The following ARHGAP44 variants were observed in gnomAD, a reference collection of about 807,000 sequenced individuals.
ARHGAP44 encodes the protein rho GTPase-activating protein 44.
ARHGAP44 carries 43 observed loss-of-function variants against 106.8 expected under a neutral mutation model. That is an observed-to-expected ratio of 0.40 (90% CI 0.32 to 0.52). The LOEUF (loss-of-function observed/expected upper bound fraction) is 0.52. Among genes scored for constraint, ARHGAP44 ranks in the 20% least tolerant of loss-of-function variants. The probability of loss-of-function intolerance (pLI) is 0.48; values close to 1 mark genes in which losing one functional copy is unlikely to be tolerated. For missense variants in ARHGAP44, 866 were observed against 1,050.5 expected (o/e 0.82, Z 2.43); for synonymous variants, 439 against 410.3 (o/e 1.07, Z -0.85).
chr17:12,925,917 C>T (rs1274239655), intron 6 of ARHGAP44, among the ~76,000 whole-genome samples: 1 of 152,150 alleles, frequency 6.6e-6, no homozygotes, highest in Non-Finnish European at 1.5e-5. Context: ...ATTTTCCCAA[C>T]ATGACTATCT....
intron 1 of ARHGAP44, among the ~76,000 whole-genome samples, chr17:12,813,861 C>G (rs1165635317): frequency 6.6e-6 from 1 of 152,178 alleles, no homozygotes; most frequent in African/African-American, 2.4e-5. Flanking sequence ...TTTCTCCTGG[C>G]TCACGGTGAG....
chr17:12,864,752 TAAGA>T (rs1165561069), intron 1 of ARHGAP44, among the ~76,000 whole-genome samples: 1 of 152,060 alleles, frequency 6.6e-6, no homozygotes, highest in African/African-American at 2.4e-5. Flanking sequence ...CAAAATGGAA[TAAGA>T]AAGATAATTA....
intron 20 of ARHGAP44, among the ~76,000 whole-genome samples, chr17:12,989,101 CAAAAAAAAAAAA>C (rs71144942): frequency 4.4e-5 from 2 of 45,158 alleles, no homozygotes; most frequent in Non-Finnish European, 7.9e-5. Context: ...CCACCCCCCC[CAAAAAAAAAAAA>C]AAAAAAAAAA....
chr17:12,849,566 TC>T (rs2035677722), intron 1 of ARHGAP44, among the ~76,000 whole-genome samples: 1 of 139,404 alleles, frequency 7.2e-6, no homozygotes, highest in African/African-American at 2.8e-5. Flanking sequence ...CCTACTTTTG[TC>T]CTTTTTTTTT....
Position 12,958,009 on chromosome 17 carries a change from G to T in ARHGAP44, c.1343-708G>T, listed in dbSNP as rs2039170963. On this transcript the variant is annotated intron_variant, in intron 15 of 20. Coordinates refer to ENST00000379672, the MANE Select transcript of ARHGAP44 (RefSeq NM_014859.6). The surrounding 1 kb of genome is among the most constrained non-coding windows in gnomAD (Gnocchi z 4.1). ...AGAGTTGCGTTGATAACAGAGTTGGGTGGGTGTGGGAAATCAAGATAAAGA... is the reference window on the plus strand; with the variant it reads ...AGAGTTGCGTTGATAACAGAGTTGGTTGGGTGTGGGAAATCAAGATAAAGA... Among the ~76,000 whole-genome samples the T allele has an allele frequency of 6.6e-6, 1 of 152,194 alleles. No individual in the cohort carries two copies. The highest frequency in any genetic ancestry group is 6.6e-5 in the Admixed American group (1 of 15,266).
intron 1 of ARHGAP44, among the ~76,000 whole-genome samples, chr17:12,877,460 C>G (rs1216568169): frequency 2.0e-5 from 3 of 152,112 alleles, no homozygotes; most frequent in African/African-American, 7.2e-5. Flanking sequence ...ATTTTCAATG[C>G]TTAGTTATTT....
At chr17:12,909,023 A>G (rs531995492) in intron 4 of ARHGAP44, 50 bp downstream of exon 4, 16 of 1,488,420 alleles carry the variant, frequency 1.1e-5, no homozygotes, top group Middle Eastern at 1.8e-4. Flanking sequence ...GTAAGTCCCC[A>G]TCCGTGAAAA....
Position 12,789,758 on chromosome 17 carries a change from G to A in ARHGAP44, c.-81G>A, listed in dbSNP as rs528714340. 5 of 1,274,014 alleles carry A rather than the reference G, an allele frequency of 3.9e-6. No homozygotes were observed. The African/African-American group carries it at 6.3e-5, about 16-fold the overall frequency. The allele number at this position is 1,274,014 out of a possible 1,614,324, so 78.9% of individuals were successfully genotyped here. On this transcript the variant is annotated 5_prime_UTR_variant, in exon 1 of 21. Coordinates refer to ENST00000379672, the MANE Select transcript of ARHGAP44 (RefSeq NM_014859.6). ...CGCCGTCGCCCGGGAGGCTCCGCGC[G>A]GGAGCCATGTAACCCTGCGGCGGGC...
intron 1 of ARHGAP44, among the ~76,000 whole-genome samples, chr17:12,793,834 G>C (rs2033839771): frequency 6.6e-6 from 1 of 152,178 alleles, no homozygotes; most frequent in Non-Finnish European, 1.5e-5. Context: ...TTGGAGGCAG[G>C]GACAGCTGCC....
At position 12,990,202 on chromosome 17, in the gene ARHGAP44, C is replaced by T; in HGVS notation, c.*31C>T. ...CACCGCCCATCCTGCCTCGCGTGTA[C>T]ATACATCACGGGCCCTAGGAACGCC... On this transcript the variant is annotated 3_prime_UTR_variant, in exon 21 of 21. Transcript: ENST00000379672. The T allele has an allele frequency of 1.9e-6, 3 of 1,593,468 alleles. No homozygotes were observed. The highest frequency in any genetic ancestry group is 2.6e-6 in the Non-Finnish European group (3 of 1,163,560).
At position 12,958,702 on chromosome 17, in the gene ARHGAP44, C is replaced by T. The variant is rs746327035; in HGVS notation, c.1343-15C>T. 1 of 1,612,276 alleles carries T rather than the reference C, an allele frequency of 6.2e-7. No homozygotes were observed. The highest frequency in any genetic ancestry group is 8.5e-7 in the Non-Finnish European group (1 of 1,178,670). ...GACCAAGAGTTCACATGTACCAATT[C>T]TTTCTTCCCCGCAGAGATAGAGTTC... On this transcript the variant is annotated splice_polypyrimidine_tract_variant and intron_variant, in intron 15 of 20. Transcript: ENST00000379672. The surrounding 1 kb of genome is among the most constrained non-coding windows in gnomAD (Gnocchi z 4.1).
rs752785731 is a variant in ARHGAP44 at position 12,990,072 on chromosome 17, C to A, written c.2358C>A (p.Leu786=). ...HFDIPSIHIE[L]GSTLRLSPLE... ...ATATTCCCTCGATCCACATAGAGCT[C>A]GGGTCGACGCTCCGCCTGAGTCCCC... Residue 786 remains leucine (L), a synonymous_variant, in exon 21 of 21, where the codon CTC becomes CTA. Coordinates refer to ENST00000379672, the MANE Select transcript of ARHGAP44 (RefSeq NM_014859.6). The A allele has an allele frequency of 1.2e-6, 2 of 1,612,824 alleles. No homozygotes were observed. The highest frequency in any genetic ancestry group is 1.7e-6 in the Non-Finnish European group (2 of 1,178,938).
At chr17:12,842,145 G>C (rs970045478) in intron 1 of ARHGAP44, among the ~76,000 whole-genome samples, 9 of 135,112 alleles carry the variant, frequency 6.7e-5, no homozygotes, top group African/African-American at 2.7e-4. Context: ...TGGCCACTGG[G>C]TTTAAAAAAA....
chr17:12,987,402 C>T, intron 20 of ARHGAP44: 2 of 428,846 alleles, frequency 4.7e-6, no homozygotes, highest in Non-Finnish European at 8.4e-6. Context: ...CCCTTTCCCC[C>T]ACCTTCTCTT....
At chr17:12,879,387 GGTTCCATATTTC>G (rs1436599478) in intron 1 of ARHGAP44, among the ~76,000 whole-genome samples, 2 of 152,098 alleles carry the variant, frequency 1.3e-5, no homozygotes, top group African/African-American at 4.8e-5. Flanking sequence ...CATTTGGTCT[GGTTCCATATTTC>G]GCAGTTGCAA....
At chr17:12,802,682 G>T (rs966295431) in intron 1 of ARHGAP44, among the ~76,000 whole-genome samples, 1 of 150,662 alleles carries the variant, frequency 6.6e-6, no homozygotes, top group Non-Finnish European at 1.5e-5. Context: ...CACCTTGATC[G>T]ATTTGCCAGG....
chr17:12,805,851 G>C (rs558177549), intron 1 of ARHGAP44, among the ~76,000 whole-genome samples: 6 of 152,260 alleles, frequency 3.9e-5, no homozygotes, highest in African/African-American at 1.4e-4. Flanking sequence ...CTCCACAAAG[G>C]CTTCAGCTGG....
At chr17:12,959,232 A>G (rs974729862) in intron 16 of ARHGAP44, among the ~76,000 whole-genome samples, 1 of 152,188 alleles carries the variant, frequency 6.6e-6, no homozygotes, top group Admixed American at 6.5e-5. Context: ...AAGTAGATCA[A>G]TTCCAGAATT....
intron 8 of ARHGAP44, among the ~76,000 whole-genome samples, chr17:12,941,387 G>T (rs901713466): frequency 1.3e-5 from 2 of 152,110 alleles, no homozygotes; most frequent in Admixed American, 6.6e-5. Context: ...TTCTCTTGGT[G>T]GGCAGTTGGC....
Sources: allele counts gnomAD v4.1 joint callset (sites outside exome capture counted in the v4.1 genomes callset), GRCh38; gene constraint gnomAD v4.1.1; non-coding constraint Gnocchi (gnomAD v3.1); transcripts MANE v1.5; gene names NCBI Gene and HGNC (gene_info 2026-07-23, HGNC 2026-07-21).